The following SEMA3A variants were observed in gnomAD, a reference collection of about 807,000 sequenced individuals.
The protein encoded by SEMA3A is semaphorin-3A.
Under a neutral mutation model 97.9 loss-of-function variants are expected in SEMA3A, and 29 were observed. The ratio of observed to expected loss-of-function variants is 0.30; its 90% CI spans 0.22 to 0.40. SEMA3A has a LOEUF of 0.40. Among genes scored for constraint, SEMA3A ranks in the 10% least tolerant of loss-of-function variants. The pLI, the probability that SEMA3A is intolerant of heterozygous loss-of-function variation, is 1.00. For synonymous variants in SEMA3A, 321 were observed against 323.7 expected, an observed-to-expected ratio of 0.99 and a Z score of 0.09; for missense variants, 763 against 951.3, an observed-to-expected ratio of 0.80 and a Z score of 2.60.
intron 1 of SEMA3A, among the ~76,000 whole-genome samples, chr7:84,444,214 G>A: frequency 6.6e-6 from 1 of 151,954 alleles, no homozygotes; most frequent in African/African-American, 2.4e-5. Flanking sequence ...GAATCATACT[G>A]GTAAAGATAC....
intron 11 of SEMA3A, 112 bp downstream of exon 11, chr7:84,005,227 T>C (rs1346076499): frequency 1.3e-6 from 1 of 750,546 alleles, no homozygotes; most frequent in African/African-American, 1.7e-5. Context: ...ATATGTGGAT[T>C]TTCAACTGCA....
chr7:84,365,466 G>A (rs1005639572), intron 2 of SEMA3A, among the ~76,000 whole-genome samples: 2 of 146,086 alleles, frequency 1.4e-5, no homozygotes, highest in African/African-American at 5.1e-5. Context: ...GGTATTGAAT[G>A]CAGGATTCAA....
intron 1 of SEMA3A, among the ~76,000 whole-genome samples, chr7:84,423,883 AT>A (rs1413597517): frequency 1.3e-5 from 2 of 151,922 alleles, no homozygotes; most frequent in Middle Eastern, 3.2e-3. Context: ...ATACAAATAT[AT>A]TTAAAAAATA....
At chr7:84,065,227 C>T (rs1793431769) in intron 4 of SEMA3A, among the ~76,000 whole-genome samples, 1 of 134,282 alleles carries the variant, frequency 7.4e-6, no homozygotes, top group African/African-American at 2.9e-5. Flanking sequence ...CCAACGAGAA[C>T]AAAGACACAA....
At chr7:84,254,813 G>T (rs1489948408) in intron 3 of SEMA3A, among the ~76,000 whole-genome samples, 1 of 152,042 alleles carries the variant, frequency 6.6e-6, no homozygotes, top group East Asian at 1.9e-4. Context: ...GATTGGTTTT[G>T]TCTATTTTTG....
rs139550972 is a variant in SEMA3A at position 84,432,364 on chromosome 7, T to G, written c.-246+60096A>C. Among the ~76,000 whole-genome samples the G allele has an allele frequency of 3.0e-3, 462 of 152,274 alleles. 3 individuals are homozygous for G. Among genetic ancestry groups the G allele is most frequent in the African/African-American group, 0.011 (451 of 41,572 alleles). ...ATTTTTCTCTTTATTCTCTTGTTTCTCTTTAGTACTACAATTATTTTTATT... is the reference window on the plus strand; with the variant it reads ...ATTTTTCTCTTTATTCTCTTGTTTCGCTTTAGTACTACAATTATTTTTATT... On this transcript the variant is annotated intron_variant, in intron 1 of 3. Coordinates refer to the SEMA3A transcript ENST00000424555.
chr7:83,977,046 C>A, intron 15 of SEMA3A, 86 bp downstream of exon 15: 1 of 623,634 alleles, frequency 1.6e-6, no homozygotes, highest in East Asian at 3.1e-5. Flanking sequence ...CTGAGAGATG[C>A]ATACATTGCA....
At chr7:84,280,975 A>T (rs951907448) in intron 3 of SEMA3A, among the ~76,000 whole-genome samples, 33 of 152,196 alleles carry the variant, frequency 2.2e-4, no homozygotes, top group African/African-American at 7.9e-4. Flanking sequence ...ACTGTTATAA[A>T]CGATATACTT....
chr7:84,095,470 AT>A (rs886704338), intron 4 of SEMA3A, among the ~76,000 whole-genome samples: 2 of 148,698 alleles, frequency 1.3e-5, no homozygotes, highest in Non-Finnish European at 3.0e-5. Context: ...TTATTTCAAT[AT>A]TTTTTTCTAT....
intron 1 of SEMA3A, among the ~76,000 whole-genome samples, chr7:84,430,789 T>TTG (rs56814153): frequency 0.032 from 4,585 of 143,350 alleles, 72 homozygotes; most frequent in African/African-American, 0.045. Flanking sequence ...AACATAAAAT[T>TTG]TGTGTGTGTG....
intron 3 of SEMA3A, among the ~76,000 whole-genome samples, chr7:84,200,481 G>C (rs188839211): frequency 2.9e-4 from 44 of 152,170 alleles, no homozygotes; most frequent in Non-Finnish European, 2.9e-5. Context: ...GGATGAAAGA[G>C]AGTGACAAGA....
chr7:84,405,142 G>A (rs1804040278), intron 1 of SEMA3A, among the ~76,000 whole-genome samples: 1 of 152,026 alleles, frequency 6.6e-6, no homozygotes, highest in African/African-American at 2.4e-5. Flanking sequence ...GCTGTACTCA[G>A]GAAACCCATC....
At chr7:84,370,359 T>G (rs1173420393) in intron 2 of SEMA3A, among the ~76,000 whole-genome samples, 2 of 151,696 alleles carry the variant, frequency 1.3e-5, no homozygotes, top group East Asian at 3.9e-4. Context: ...ATGAGCAATG[T>G]GTGTACACAT....
intron 4 of SEMA3A, among the ~76,000 whole-genome samples, chr7:84,091,139 G>GAAAGAAAGA (rs1562774078): frequency 4.1e-5 from 1 of 24,370 alleles, no homozygotes; most frequent in Non-Finnish European, 8.7e-5. Flanking sequence ...AAAGAAAGAA[G>GAAAGAAAGA]GAAGGAAGGA....
rs116507960 is a variant in SEMA3A, at chr7:84,153,116, C to T, written c.113-18165G>A. 9.4e-3 allele frequency among the ~76,000 whole-genome samples: 1,436 copies of T among 152,222 alleles called. 32 individuals carry two copies. The highest frequency in any genetic ancestry group is 0.033 in the African/African-American group (1,361 of 41,516). On this transcript the variant is annotated intron_variant, in intron 1 of 16. Transcript: ENST00000265362. ...GTAAATCAGAATCTAAAAAATGCTA[C>T]ACTCTCCTTTTGATAAGCTCTGGAG...
intron 2 of SEMA3A, among the ~76,000 whole-genome samples, chr7:84,310,897 G>A (rs1189947286): frequency 1.3e-5 from 2 of 151,692 alleles, no homozygotes; most frequent in African/African-American, 2.4e-5. Context: ...GGAAGATGAG[G>A]TAATTTGGGC....
intron 2 of SEMA3A, among the ~76,000 whole-genome samples, chr7:84,314,566 T>C (rs1801446989): frequency 6.6e-6 from 1 of 152,156 alleles, no homozygotes; most frequent in African/African-American, 2.4e-5. Flanking sequence ...AAGCTGTCCA[T>C]GATAGACATA....
chr7:84,262,189 TG>T (rs1286134460), intron 3 of SEMA3A, among the ~76,000 whole-genome samples: 2 of 152,040 alleles, frequency 1.3e-5, no homozygotes, highest in Admixed American at 1.3e-4. Context: ...TTTTTAGACT[TG>T]CCTCTATTTT....
chr7:84,034,762 C>T (rs1475175024), intron 6 of SEMA3A, among the ~76,000 whole-genome samples: 1 of 147,624 alleles, frequency 6.8e-6, no homozygotes, highest in African/African-American at 2.5e-5. Context: ...GCAGGCAGTC[C>T]ATTAATCCTA....
Sources: gnomAD v4.1 joint callset for allele counts (sites outside exome capture counted in the v4.1 genomes callset) on GRCh38, gnomAD v4.1.1 for gene constraint, MANE v1.5 for transcripts, NCBI Gene and HGNC (gene_info 2026-07-23, HGNC 2026-07-21) for gene names.